The following FMNL3 variants were observed in gnomAD, a reference collection of about 807,000 sequenced individuals.
FMNL3 encodes formin-like protein 3.
FMNL3 carries 57 observed loss-of-function variants against 119.6 expected under a neutral mutation model. The ratio of observed to expected loss-of-function variants is 0.48; its 90% CI spans 0.39 to 0.59. The LOEUF (loss-of-function observed/expected upper bound fraction) is 0.59, where lower values mean the gene tolerates loss of function less well. Ranked by LOEUF, FMNL3 falls within the 20% of genes least tolerant of loss-of-function variation. FMNL3 has a pLI of 0.00. For synonymous variants in FMNL3, 491 were observed against 507.3 expected (o/e 0.97, Z 0.43); for missense variants, 1,053 against 1,323.5 (o/e 0.80, Z 3.17).
intron 1 of FMNL3, among the ~76,000 whole-genome samples, chr12:49,692,636 A>G (rs2139009375): frequency 6.6e-6 from 1 of 152,280 alleles, no homozygotes; most frequent in South Asian, 2.1e-4. Flanking sequence ...ATTTACACGT[A>G]CATATATATC....
rs570347675 is a variant in FMNL3 at position 49,707,305 on chromosome 12, C to T, written c.-125G>A. On this transcript the variant is annotated 5_prime_UTR_variant, in exon 1 of 26. Coordinates refer to ENST00000335154, the MANE Select transcript of FMNL3 (RefSeq NM_175736.5). ...CCGAGTCCCGACTCCTCGGCCCCGT[C>T]GAGGGCGCCGGGGGTTCCCTGGAGT... 4 of 948,464 alleles carry T rather than the reference C, an allele frequency of 4.2e-6. No individual in the cohort carries two copies. Among genetic ancestry groups the T allele is most frequent in the Non-Finnish European group, 5.8e-6 (4 of 694,782 alleles). The allele number at this position is 948,464 out of a possible 1,614,324, so 58.8% of individuals were successfully genotyped here.
intron 5 of FMNL3, 77 bp from the exon 6 acceptor site, chr12:49,658,671 G>T: frequency 6.8e-7 from 1 of 1,465,080 alleles, no homozygotes; most frequent in Non-Finnish European, 9.1e-7. Flanking sequence ...CCCCCCGTGA[G>T]CCCACCCCCA....
chr12:49,703,991 G>A (rs537097137), intron 1 of FMNL3, among the ~76,000 whole-genome samples: 4 of 151,942 alleles, frequency 2.6e-5, no homozygotes, highest in Admixed American at 2.6e-4. Context: ...CCCCTTTTTC[G>A]GAACACAAGT....
chr12:49,701,078 C>CAAAAAAAA (rs61171112), intron 1 of FMNL3, among the ~76,000 whole-genome samples: 1 of 75,970 alleles, frequency 1.3e-5, no homozygotes, highest in East Asian at 5.0e-4. Flanking sequence ...GACTCCATCT[C>CAAAAAAAA]AAAAAAAAAA....
intron 1 of FMNL3, among the ~76,000 whole-genome samples, chr12:49,690,717 T>C (rs1944579236): frequency 6.6e-6 from 1 of 152,156 alleles, no homozygotes; most frequent in Admixed American, 6.6e-5. Flanking sequence ...TCTGCCACAA[T>C]CCACTCAATC....
chr12:49,658,766 A>G (rs927796021), intron 5 of FMNL3, among the ~76,000 whole-genome samples, 172 bp from the exon 6 acceptor site: 1 of 151,276 alleles, frequency 6.6e-6, no homozygotes, highest in East Asian at 2.0e-4. Context: ...TCCTAGCTGG[A>G]AGAGCCACTA....
At chr12:49,648,145 C>G (rs1943269593) in intron 22 of FMNL3, 48 bp downstream of exon 22, 8 of 1,573,082 alleles carry the variant, frequency 5.1e-6, no homozygotes, top group Non-Finnish European at 6.9e-6. Context: ...CTAGAGGGGC[C>G]TGGTGCCTTG....
In FMNL3 at chr12:49,643,819, C is replaced by G; in HGVS notation, c.*1996G>C. On this transcript the variant is annotated 3_prime_UTR_variant, in exon 26 of 26. Transcript: ENST00000335154. ...AGTTCTGTTCTACCTGCCTCCCAGG[C>G]TATCCACAGGAACTGAGGAGGTGGG... The G allele has an allele frequency of 6.2e-7, 1 of 1,613,886 alleles. No individual in the cohort carries two copies. Among genetic ancestry groups the G allele is most frequent in the Non-Finnish European group, 8.5e-7 (1 of 1,179,906 alleles).
intron 11 of FMNL3, 43 bp from the exon 12 acceptor site, chr12:49,653,917 A>G: frequency 6.2e-7 from 1 of 1,605,596 alleles, no homozygotes; most frequent in Non-Finnish European, 8.5e-7. Context: ...AGGAGCAGGC[A>G]GATCATCAGG....
At chr12:49,650,611 C>G (rs543185838) in intron 17 of FMNL3, 65 bp downstream of exon 17, 1 of 1,560,804 alleles carries the variant, frequency 6.4e-7, no homozygotes, top group African/African-American at 1.4e-5. Context: ...GAAACCCAGG[C>G]TCCTGGGTGG....
intron 1 of FMNL3, among the ~76,000 whole-genome samples, chr12:49,676,555 T>C (rs1240854710): frequency 6.7e-6 from 1 of 149,702 alleles, no homozygotes; most frequent in African/African-American, 2.5e-5. Flanking sequence ...GCATATGCTT[T>C]CTCTATTCAC....
rs574905092 is a variant in FMNL3 at position 49,665,834 on chromosome 12, A to T, written c.366T>A (p.Ile122=). 6.2e-7 allele frequency: 1 copy of T among 1,614,128 alleles called. No individual in the cohort carries two copies. Among genetic ancestry groups the T allele is most frequent in the African/African-American group, 1.3e-5 (1 of 75,030 alleles). ...ELEISLRTNH[I]GWVREFLNDE... ...GCTATACGGCCAATCCAACTCACCC[A>T]ATGTGGTTGGTGCGAAGAGAGATCT... is the stretch of plus-strand genomic sequence containing the variant. The change falls in exon 4 of 26, where the codon ATT becomes ATA. Residue 122 remains isoleucine (I), a splice_region_variant and synonymous_variant. Coordinates refer to ENST00000335154, the MANE Select transcript of FMNL3 (RefSeq NM_175736.5).
chr12:49,669,859 C>T (rs1236535128), intron 1 of FMNL3, among the ~76,000 whole-genome samples: 4 of 151,822 alleles, frequency 2.6e-5, no homozygotes, highest in Non-Finnish European at 5.9e-5. Context: ...CAAAACAAAA[C>T]AAAACAAAAC....
At chr12:49,677,055 C>G (rs1449605788) in intron 1 of FMNL3, among the ~76,000 whole-genome samples, 1 of 152,168 alleles carries the variant, frequency 6.6e-6, no homozygotes, top group Admixed American at 6.5e-5. Context: ...AAGTTTTCTA[C>G]TCCATTGTAC....
intron 21 of FMNL3, 116 bp from the exon 22 acceptor site, chr12:49,648,469 T>TA: frequency 9.1e-7 from 1 of 1,097,484 alleles, no homozygotes; most frequent in Admixed American, 2.8e-5. Context: ...CAGGTTCACA[T>TA]ACCTGTATGG....
At chr12:49,669,998 T>G (rs1007920622) in intron 1 of FMNL3, among the ~76,000 whole-genome samples, 1 of 152,266 alleles carries the variant, frequency 6.6e-6, no homozygotes, top group Non-Finnish European at 1.5e-5. Context: ...ATCACCCATG[T>G]GACTTCCCAC....
At chr12:49,706,879 C>T (rs1031798497) in intron 1 of FMNL3, among the ~76,000 whole-genome samples, 176 bp downstream of exon 1, 5 of 149,308 alleles carry the variant, frequency 3.3e-5, no homozygotes, top group Non-Finnish European at 6.0e-5. Flanking sequence ...CCCGACGGGG[C>T]TGTCCGGGCC....
rs1342089229 is a variant in FMNL3 at position 49,637,482 on chromosome 12, G to A, written c.*8333C>T. 3 of 1,613,050 alleles carry A rather than the reference G, an allele frequency of 1.9e-6. No individual in the cohort carries two copies. The highest frequency in any genetic ancestry group is 2.5e-6 in the Non-Finnish European group (3 of 1,179,732). On this transcript the variant is annotated 3_prime_UTR_variant, in exon 26 of 26. Transcript: ENST00000335154. ...TCTCCCTGCTCAGACCTTCCTGGAC[G>A]AGCTGCATGAGACAGGGCAGCTGCA... is the stretch of plus-strand genomic sequence containing the variant.
chr12:49,677,331 T>C (rs1944217900), intron 1 of FMNL3, among the ~76,000 whole-genome samples: 1 of 152,198 alleles, frequency 6.6e-6, no homozygotes, highest in Non-Finnish European at 1.5e-5. Context: ...ACACATACAA[T>C]GTAGTGGTTA....
Sources: allele counts gnomAD v4.1 joint callset (sites outside exome capture counted in the v4.1 genomes callset), GRCh38; gene constraint gnomAD v4.1.1; transcripts MANE v1.5; gene names NCBI Gene and HGNC (gene_info 2026-07-23, HGNC 2026-07-21).